The following ACVR2A variants were observed in gnomAD, a reference collection of about 807,000 sequenced individuals.
ACVR2A encodes activin A receptor type 2A.
Under a neutral mutation model 61.4 loss-of-function variants are expected in ACVR2A, and 7 were observed. The observed-to-expected ratio is 0.11, with a 90% CI of 0.06 to 0.21. The LOEUF is 0.21. ACVR2A is among the 10% of genes least tolerant of loss of function. ACVR2A has a pLI of 1.00. For missense variants in ACVR2A, 322 were observed against 621.7 expected (o/e 0.52, Z 5.13); for synonymous variants, 193 against 208.3 (o/e 0.93, Z 0.63).
rs1491545122 is a variant in ACVR2A at position 147,890,342 on chromosome 2, G to GT, written c.56-5958dup. ...GGAAGTCCATGGCACCATTAGTATA[G>GT]TGTGTGTGTGTGTGTGTGTGTGTGT... On this transcript the variant is annotated intron_variant, in intron 1 of 10. Transcript: ENST00000241416. 1.8e-3 allele frequency among the ~76,000 whole-genome samples: 5 copies of GT among 2,808 alleles called. No homozygotes were observed. The Non-Finnish European group carries it at 0.043, about 24-fold the overall frequency. The allele number at this position is 2,808 out of a possible 152,430, so 1.8% of individuals were successfully genotyped here.
intron 1 of ACVR2A, among the ~76,000 whole-genome samples, chr2:147,867,300 G>A (rs1685881316): frequency 1.3e-5 from 2 of 152,146 alleles, no homozygotes; most frequent in African/African-American, 4.8e-5. Flanking sequence ...GGGGAAGAAA[G>A]CCAGAGTCGA....
intron 2 of ACVR2A, chr2:147,896,838 A>G (rs1686748220): frequency 5.1e-6 from 1 of 196,176 alleles, no homozygotes; most frequent in African/African-American, 2.3e-5. Flanking sequence ...TTACTTTAAA[A>G]GAGTATATCT....
At chr2:147,902,421 A>G (rs1225741535) in intron 4 of ACVR2A, among the ~76,000 whole-genome samples, 2 of 151,874 alleles carry the variant, frequency 1.3e-5, no homozygotes, top group African/African-American at 4.8e-5. Flanking sequence ...AATTCAGTAA[A>G]CTTTTCTGCC....
intron 1 of ACVR2A, among the ~76,000 whole-genome samples, chr2:147,854,472 A>G (rs1418764261): frequency 6.6e-6 from 1 of 152,204 alleles, no homozygotes; most frequent in Non-Finnish European, 1.5e-5. Flanking sequence ...AAGCTATTCA[A>G]TGACTGTACT....
chr2:147,915,124 T>C, intron 4 of ACVR2A, 67 bp from the exon 5 acceptor site: 2 of 1,497,652 alleles, frequency 1.3e-6, no homozygotes, highest in Non-Finnish European at 1.8e-6. Context: ...TCACTTTTTT[T>C]CTCATTTTCA....
At chr2:147,918,695 C>A in intron 7 of ACVR2A, 103 bp downstream of exon 7, 3 of 960,358 alleles carry the variant, frequency 3.1e-6, no homozygotes, top group South Asian at 2.5e-5. Flanking sequence ...TGCAATCATG[C>A]TTTACAAGAC....
intron 4 of ACVR2A, among the ~76,000 whole-genome samples, chr2:147,903,792 T>C (rs1229033342): frequency 6.6e-6 from 1 of 151,980 alleles, no homozygotes; most frequent in Non-Finnish European, 1.5e-5. Context: ...GCTCATAATG[T>C]GTTTTATTCT....
chr2:147,912,196 A>G (rs1245123061), intron 4 of ACVR2A, among the ~76,000 whole-genome samples: 1 of 151,954 alleles, frequency 6.6e-6, no homozygotes, highest in Non-Finnish European at 1.5e-5. Context: ...GATATTGGGT[A>G]GTGGTTTGGG....
At chr2:147,896,588 G>A (rs1686738559) in intron 2 of ACVR2A, 80 bp downstream of exon 2, 1 of 1,360,516 alleles carries the variant, frequency 7.4e-7, no homozygotes, top group Non-Finnish European at 1.0e-6. Context: ...AAAGATCAGT[G>A]CATAAATTTT....
chr2:147,855,235 G>A (rs1265372442), intron 1 of ACVR2A, among the ~76,000 whole-genome samples: 1 of 152,170 alleles, frequency 6.6e-6, no homozygotes, highest in African/African-American at 2.4e-5. Flanking sequence ...GGGTGGGGAA[G>A]GGTGTGACTT....
rs1287002844 is a variant in ACVR2A, at chr2:147,929,751, ATG to A, written c.*2478_*2479del. The A allele has an allele frequency of 6.6e-6, 1 of 152,338 alleles. No individual in the cohort carries two copies. The highest frequency in any genetic ancestry group is 6.6e-5 in the Admixed American group (1 of 15,184). The allele number at this position is 152,338 out of a possible 1,614,324, so 9.4% of individuals were successfully genotyped here. A position where few individuals can be genotyped will look rare whatever the true frequency, so the allele number is the denominator to read the frequency against. On this transcript the variant is annotated 3_prime_UTR_variant, in exon 11 of 11. Transcript: ENST00000241416. Reference sequence around the variant, plus strand: ...TACTGGAAAAAAAAAAGATCAAAGAATGAGAAAAATGGTGATCCATTTTGGGG... The same window carrying A: ...TACTGGAAAAAAAAAAGATCAAAGAAAGAAAAATGGTGATCCATTTTGGGG...
chr2:147,912,960 T>C (rs1051987946), intron 4 of ACVR2A, among the ~76,000 whole-genome samples: 5 of 151,866 alleles, frequency 3.3e-5, no homozygotes, highest in Non-Finnish European at 7.4e-5. Context: ...CTATACAATA[T>C]TGAATAAATT....
rs79555258 is a variant in ACVR2A at position 147,922,957 on chromosome 2, T to C, written c.1078-16T>C. 1,151 of 1,596,798 alleles carry C rather than the reference T, an allele frequency of 7.2e-4. 18 individuals are homozygous for C. In the East Asian group the frequency reaches 0.025, roughly 35 times the overall value. On this transcript the variant is annotated splice_polypyrimidine_tract_variant and intron_variant, in intron 8 of 10. Transcript: ENST00000241416. ...GTTAATGAATGAGTACTCTTTGCTT[T>C]TAACATCTTTTTCAGGTTGGTACCC...
At chr2:147,899,957 CTG>C (rs1324292417) in intron 4 of ACVR2A, 59 bp downstream of exon 4, 1 of 1,533,852 alleles carries the variant, frequency 6.5e-7, no homozygotes, top group Non-Finnish European at 8.9e-7. Context: ...AGAAATATTA[CTG>C]TGGTGAAACC....
chr2:147,909,427 A>G (rs1687064095), intron 4 of ACVR2A, among the ~76,000 whole-genome samples: 1 of 152,056 alleles, frequency 6.6e-6, no homozygotes, highest in Non-Finnish European at 1.5e-5. Context: ...TTCTTTTCTG[A>G]TATTTGGCAG....
intron 1 of ACVR2A, among the ~76,000 whole-genome samples, chr2:147,848,536 G>C (rs991057008): frequency 6.6e-6 from 1 of 152,160 alleles, no homozygotes; most frequent in African/African-American, 2.4e-5. Context: ...TATGTCAGTA[G>C]TGTAGAGGTC....
At chr2:147,845,348 G>GCCCCCCCCCCCC (rs557975990) in intron 1 of ACVR2A, 141 bp downstream of exon 1, 6 of 231,112 alleles carry the variant, frequency 2.6e-5, no homozygotes, top group Non-Finnish European at 3.5e-5. Context: ...GGCTGCCACC[G>GCCCCCCCCCCCC]CCCCCCCCCC....
intron 1 of ACVR2A, among the ~76,000 whole-genome samples, chr2:147,861,390 A>G (rs547883895): frequency 9.2e-5 from 14 of 152,302 alleles, no homozygotes; most frequent in South Asian, 4.1e-4. Context: ...GTGTTCAGGG[A>G]AGAATACTAA....
chr2:147,887,701 T>C (rs1686476068), intron 1 of ACVR2A, among the ~76,000 whole-genome samples: 1 of 152,188 alleles, frequency 6.6e-6, no homozygotes, highest in Non-Finnish European at 1.5e-5. Context: ...AACATATCTA[T>C]TACCTCACAT....
Sources: gnomAD v4.1 joint callset for allele counts (sites outside exome capture counted in the v4.1 genomes callset) on GRCh38, gnomAD v4.1.1 for gene constraint, MANE v1.5 for transcripts, NCBI Gene and HGNC (gene_info 2026-07-23, HGNC 2026-07-21) for gene names.